Variants in NOS3 observed in about 807,000 individuals in gnomAD.
NOS3 encodes the protein nitric oxide synthase 3.
In NOS3, 98 loss-of-function variants were observed where a neutral mutation model predicts 144.9. That is an observed-to-expected ratio of 0.68 (90% CI 0.57 to 0.80). The LOEUF (loss-of-function observed/expected upper bound fraction) is 0.80. Among genes scored for constraint, NOS3 ranks in the 30% least tolerant of loss-of-function variants. The pLI is 0.00. For synonymous variants in NOS3, 714 were observed against 702.4 expected (o/e 1.02, Z -0.26); for missense variants, 1,465 against 1,656.4 (o/e 0.88, Z 2.01).
chr7:151,006,869 T>A lies in NOS3; in HGVS notation c.1821-20T>A. On this transcript the variant is annotated intron_variant, in intron 15 of 26. Transcript: ENST00000297494. ...TCCCCAGGGCCCTGTGACAACCTTG[T>A]CTTTGTCCTCTCTTGCCAGGAGTTA... 6.3e-7 allele frequency: 1 copy of A among 1,593,868 alleles called. No homozygotes were observed. Among genetic ancestry groups the A allele is most frequent in the Non-Finnish European group, 8.6e-7 (1 of 1,162,236 alleles).
intron 9 of NOS3, 150 bp downstream of exon 9, chr7:150,999,514 C>T (rs1795026619): frequency 1.2e-6 from 1 of 825,788 alleles, no homozygotes; most frequent in Non-Finnish European, 1.8e-6. Flanking sequence ...AGCTCTAGAA[C>T]CACTGAAGCA....
At chr7:150,991,496 G>A (rs1802254732) in intron 1 of NOS3, among the ~76,000 whole-genome samples, 196 bp downstream of exon 1, 1 of 152,244 alleles carries the variant, frequency 6.6e-6, no homozygotes, top group South Asian at 2.1e-4. Context: ...TAGAACAGAG[G>A]ATTCAAGCAG....
intron 25 of NOS3, 68 bp from the exon 26 acceptor site, chr7:151,013,656 C>A: frequency 1.4e-6 from 2 of 1,392,696 alleles, no homozygotes; most frequent in Non-Finnish European, 1.9e-6. Context: ...CAGGGCCAGC[C>A]AGCAGCCCCG....
chr7:150,997,369 C>T (rs1217378220), intron 5 of NOS3, among the ~76,000 whole-genome samples: 1 of 152,066 alleles, frequency 6.6e-6, no homozygotes, highest in Non-Finnish European at 1.5e-5. Context: ...TGGAAAAGCC[C>T]TGGCTGCTGC....
At position 150,998,261 on chromosome 7, in the gene NOS3, GC is replaced by G. The variant is rs1451673553; in HGVS notation, c.583-92del. ...GGAGGGCGCCATGGAGTGAACCATG[GC>G]CCCTGCCTCCTCACCAGCAGCTCCT... On this transcript the variant is annotated intron_variant, in intron 5 of 26. Coordinates refer to ENST00000297494, the MANE Select transcript of NOS3 (RefSeq NM_000603.5). This position sits in a 1 kb window ranked among gnomAD's most constrained non-coding sequence, Gnocchi z 5.0. The G allele has an allele frequency of 2.8e-6, 3 of 1,088,934 alleles. No individual in the cohort carries two copies. In the African/African-American group the frequency reaches 4.6e-5, roughly 17 times the overall value. The allele number at this position is 1,088,934 out of a possible 1,614,324, so 67.5% of individuals were successfully genotyped here. A position where few individuals can be genotyped will look rare whatever the true frequency, so the allele number is the denominator to read the frequency against.
In NOS3 at chr7:150,998,835, A is replaced by G; in HGVS notation, c.817-111A>G. ...GAGGGGTGCCTGGGTGGTCACGGAG[A>G]CCCAGCCAATGAGGGACCCTGGAGA... On this transcript the variant is annotated intron_variant, in intron 7 of 26. Transcript: ENST00000297494. The surrounding 1 kb of genome is among the most constrained non-coding windows in gnomAD (Gnocchi z 5.0). The G allele has an allele frequency of 6.7e-7, 1 of 1,488,032 alleles. No homozygotes were observed. The highest frequency in any genetic ancestry group is 9.1e-7 in the Non-Finnish European group (1 of 1,102,640). 92.2% of individuals were successfully genotyped at this position (1,488,032 alleles called of 1,614,324 possible). A position where few individuals can be genotyped will look rare whatever the true frequency, so the allele number is the denominator to read the frequency against.
rs376020980 is a variant in NOS3, at chr7:151,002,899, G to T, written c.1752+595G>T. 1.1e-5 allele frequency: 2 copies of T among 186,556 alleles called. 1 individual carries two copies. Among genetic ancestry groups the T allele is most frequent in the South Asian group, 1.7e-4 (2 of 11,920 alleles). The allele number at this position is 186,556 out of a possible 1,614,324, so 11.6% of individuals were successfully genotyped here. A position where few individuals can be genotyped will look rare whatever the true frequency, so the allele number is the denominator to read the frequency against. On this transcript the variant is annotated intron_variant, in intron 14 of 26. Transcript: ENST00000297494. The surrounding 1 kb of genome is among the most constrained non-coding windows in gnomAD (Gnocchi z 4.1). ...GCCTCAAGAGATCCTCCTGCCGCAGGCTCCTTTTTCAAAAGAAGAAATTGA... is the reference window on the plus strand; with the variant it reads ...GCCTCAAGAGATCCTCCTGCCGCAGTCTCCTTTTTCAAAAGAAGAAATTGA...
Position 151,010,170 on chromosome 7 carries a change from C to T in NOS3, c.2568C>T (p.Arg856=). ...RDPRLPPCTL[R]QALTFFLDIT... The stretch of plus-strand genomic sequence containing the variant: ...CCCGGCTGCCCCCGTGCACGCTGCG[C>T]CAGGCTCTCACCTTCTTCCTGGACA... The change falls in exon 21 of 27, where the codon CGC becomes CGT. Residue 856 remains arginine, a synonymous_variant. Coordinates refer to ENST00000297494, the MANE Select transcript of NOS3 (RefSeq NM_000603.5). 1.9e-6 allele frequency: 3 copies of T among 1,611,348 alleles called. No homozygotes were observed. The highest frequency in any genetic ancestry group is 2.2e-4 in the Middle Eastern group (1 of 4,508).
intron 10 of NOS3, among the ~76,000 whole-genome samples, chr7:151,001,025 C>G (rs906301312): frequency 2.6e-5 from 4 of 152,116 alleles, no homozygotes; most frequent in Non-Finnish European, 5.9e-5. Context: ...GAGATTAGAG[C>G]TGCTTGTTGC....
At chr7:151,004,784 TG>T (rs1795180802) in intron 14 of NOS3, among the ~76,000 whole-genome samples, 1 of 152,206 alleles carries the variant, frequency 6.6e-6, no homozygotes, top group African/African-American at 2.4e-5. Context: ...GTCACTGGGA[TG>T]GGGGTGGCAG....
Position 151,009,418 on chromosome 7 carries a change from G to T in NOS3, c.2345G>T (p.Arg782Leu). ...SKSTRATILV[R>L]LDTGGQEGLQ... Reference sequence around the variant, plus strand: ...CCCAGGAGGGCCACCATCCTGGTGCGCCTGGACACCGGAGGCCAGGAGGGG... The same window carrying T: ...CCCAGGAGGGCCACCATCCTGGTGCTCCTGGACACCGGAGGCCAGGAGGGG... Residue 782 changes from arginine to leucine, a missense_variant, in exon 20 of 27, where the codon CGC (arginine) becomes CTC (leucine). Arg to Leu is a moderately radical substitution (Grantham distance 102). Coordinates refer to ENST00000297494, the MANE Select transcript of NOS3 (RefSeq NM_000603.5). The T allele has an allele frequency of 6.5e-7, 1 of 1,539,964 alleles. No homozygotes were observed. The highest frequency in any genetic ancestry group is 1.2e-5 in the South Asian group (1 of 83,452).
Position 151,014,017 on chromosome 7 carries a change from C to CATTTTCCT in NOS3, c.3460_3461insATTTTCCT (p.Arg1154HisfsTer19). On this transcript the variant is annotated frameshift_variant, in exon 27 of 27. Coordinates refer to ENST00000297494, the MANE Select transcript of NOS3 (RefSeq NM_000603.5). LOFTEE classifies it high-confidence loss of function. ...TGCTCTTTTCCGACAGGATCAGCAA[C>CATTTTCCT]GCTACCACGAAGACATTTTCGGGCT... is the stretch of plus-strand genomic sequence containing the variant. The CATTTTCCT allele has an allele frequency of 6.2e-7, 1 of 1,612,754 alleles. No homozygotes were observed.
At chr7:151,009,360 C>T in intron 19 of NOS3, 38 bp from the exon 20 acceptor site, 1 of 887,444 alleles carries the variant, frequency 1.1e-6, no homozygotes, top group Non-Finnish European at 1.7e-6. Flanking sequence ...CCCCACCCCT[C>T]TCTGACTCCC....
Position 150,993,923 on chromosome 7 carries a change from G to T in NOS3, c.120G>T (p.Arg40=). 1 of 1,580,632 alleles carries T rather than the reference G, an allele frequency of 6.3e-7. No individual in the cohort carries two copies. Among genetic ancestry groups the T allele is most frequent in the Non-Finnish European group, 8.6e-7 (1 of 1,165,126 alleles). The part of the protein sequence containing the change: ...GPATPAPEPS[R]APASLLPPAP... ...CCACCCCGGCCCCTGAGCCCAGCCG[G>T]GCCCCAGCATCCCTACTCCCACCAG... Residue 40 remains arginine, a synonymous_variant, in exon 2 of 27, where the codon CGG becomes CGT. Transcript: ENST00000297494. The surrounding 1 kb of genome is among the most constrained non-coding windows in gnomAD (Gnocchi z 4.0).
chr7:151,008,941 G>A lies in NOS3; in HGVS notation c.2124G>A (p.Glu708=). The change falls in exon 18 of 27, where the codon GAG becomes GAA. Residue 708 remains glutamate, a synonymous_variant. Transcript: ENST00000297494. ...WAQAAFQAAC[E]TFCVGEDAKA... ...GGCCTGTCCCGCAGGCCGCCTGTGA[G>A]ACCTTCTGTGTGGGAGAGGATGCCA... 6.2e-7 allele frequency: 1 copy of A among 1,609,658 alleles called. No individual in the cohort carries two copies. Among genetic ancestry groups the A allele is most frequent in the Non-Finnish European group, 8.5e-7 (1 of 1,178,738 alleles).
In NOS3 at chr7:151,014,427, C is replaced by CCGCTTCCTGTTTCTTAGT. The variant is rs2117145298; in HGVS notation, c.*261_*278dup. 1 of 468,724 alleles carries CCGCTTCCTGTTTCTTAGT rather than the reference C, an allele frequency of 2.1e-6. No homozygotes were observed. The highest frequency in any genetic ancestry group is 2.0e-5 in the African/African-American group (1 of 50,818). The allele number at this position is 468,724 out of a possible 1,614,324, so 29.0% of individuals were successfully genotyped here. On this transcript the variant is annotated 3_prime_UTR_variant, in exon 27 of 27. Transcript: ENST00000297494. ...GCGGTACCCCAGGGCCTACTGCCAC[C>CCGCTTCCTGTTTCTTAGT]CGCTTCCTGTTTCTTAGTCGAATGT... is the stretch of plus-strand genomic sequence containing the variant.
rs772164171 is a variant in NOS3, at chr7:151,013,836, T to C, written c.3368T>C (p.Val1123Ala). Residue 1123 changes from valine (V) to alanine (A), a missense_variant, in exon 26 of 27, where the codon GTC (valine) becomes GCC (alanine). Val to Ala is a moderately conservative substitution (Grantham distance 64, BLOSUM62 0). Coordinates refer to ENST00000297494, the MANE Select transcript of NOS3 (RefSeq NM_000603.5). ...VCGDVTMATN[V>A]LQTVQRILAT... is the part of the protein sequence containing the mutation. ...GGCGATGTTACCATGGCAACCAACG[T>C]CCTGCAGACCGTGCAGCGCATCCTG... 2 of 1,607,538 alleles carry C rather than the reference T, an allele frequency of 1.2e-6. No individual in the cohort carries two copies. Among genetic ancestry groups the C allele is most frequent in the Non-Finnish European group, 1.7e-6 (2 of 1,177,658 alleles).
At position 150,998,359 on chromosome 7, in the gene NOS3, G is replaced by T. The variant is rs1802482014; in HGVS notation, c.585G>T (p.Val195=). 1.2e-6 allele frequency: 2 copies of T among 1,611,222 alleles called. No individual in the cohort carries two copies. The highest frequency in any genetic ancestry group is 2.2e-5 in the South Asian group (2 of 90,818). Residue 195 remains valine, a splice_region_variant and synonymous_variant, in exon 6 of 27, where the codon GTG becomes GTT. Transcript: ENST00000297494. This position sits in a 1 kb window ranked among gnomAD's most constrained non-coding sequence, Gnocchi z 5.0. ...TCCCGCTGCCTCGGCTGGCTCAGGT[G>T]TTCGATGCCCGGGACTGCAGGTCTG... The part of the protein sequence containing the change: ...VGRIQWGKLQ[V]FDARDCRSAQ...
In NOS3 at chr7:151,013,214, C is replaced by T. The variant is rs764059205; in HGVS notation, c.3107-17C>T. 16 of 1,606,686 alleles carry T rather than the reference C, an allele frequency of 1.0e-5. No individual in the cohort carries two copies. The highest frequency in any genetic ancestry group is 5.0e-5 in the Admixed American group (3 of 59,620). On this transcript the variant is annotated splice_polypyrimidine_tract_variant and intron_variant, in intron 24 of 26. Transcript: ENST00000297494. ...TGCCCCGGAGAAGAGCCTTCCCAAGCGCGGGGTTGCTTGCAGGGCTGCAGC... is the reference window on the plus strand; with the variant it reads ...TGCCCCGGAGAAGAGCCTTCCCAAGTGCGGGGTTGCTTGCAGGGCTGCAGC...
Sources: allele counts gnomAD v4.1 joint callset (sites outside exome capture counted in the v4.1 genomes callset), GRCh38; gene constraint gnomAD v4.1.1; non-coding constraint Gnocchi (gnomAD v3.1); transcripts MANE v1.5; gene names NCBI Gene and HGNC (gene_info 2026-07-23, HGNC 2026-07-21).